SGCZ: variants seen among roughly 807,000 people sequenced by gnomAD.
The protein encoded by SGCZ is sarcoglycan zeta, also known as zeta-sarcoglycan.
A neutral mutation model predicts 41.3 loss-of-function variants in SGCZ; 40 were observed. The observed-to-expected ratio is 0.97, with a 90% CI of 0.75 to 1.26. SGCZ has a LOEUF of 1.26. SGCZ is among the 50% of genes most tolerant of loss of function. The pLI is 0.00. For missense variants in SGCZ, 552 were observed against 369.8 expected, an observed-to-expected ratio of 1.49 and a Z score of -4.04; for synonymous variants, 206 against 137.5, an observed-to-expected ratio of 1.50 and a Z score of -3.49.
chr8:15,178,092 G>T (rs1800053956), intron 1 of SGCZ, among the ~76,000 whole-genome samples: 2 of 152,176 alleles, frequency 1.3e-5, no homozygotes, highest in South Asian at 4.1e-4. Context: ...CATTTCCCCA[G>T]GACACTGCCT....
intron 2 of SGCZ, among the ~76,000 whole-genome samples, chr8:14,325,334 G>T (rs1585365014): frequency 6.6e-6 from 1 of 151,830 alleles, no homozygotes; most frequent in African/African-American, 2.4e-5. Context: ...TTCATCCAAG[G>T]TTTCACAACT....
At chr8:14,628,861 G>C (rs1244011089) in intron 1 of SGCZ, among the ~76,000 whole-genome samples, 1 of 152,022 alleles carries the variant, frequency 6.6e-6, no homozygotes, top group Admixed American at 6.6e-5. Context: ...GGACCTTTTG[G>C]TGTGGTTCTC....
intron 1 of SGCZ, among the ~76,000 whole-genome samples, chr8:15,226,157 T>C (rs565389878): frequency 1.3e-5 from 2 of 152,304 alleles, no homozygotes; most frequent in South Asian, 4.1e-4. Flanking sequence ...TCTTGGCCTG[T>C]CTTCCTTGAA....
chr8:15,044,771 G>T (rs762648198), intron 1 of SGCZ, among the ~76,000 whole-genome samples: 2 of 151,986 alleles, frequency 1.3e-5, no homozygotes, highest in Non-Finnish European at 2.9e-5. Flanking sequence ...GTGAGGGGTG[G>T]GTAGGGTTAG....
At position 15,152,667 on chromosome 8, in the gene SGCZ, T is replaced by G. The variant is rs145201686; in HGVS notation, c.39+84918A>C. ...CACACTCCTTTGAGATATCTTTGCT[T>G]TTTAAAAAAACATGGTTAACTTACC... On this transcript the variant is annotated intron_variant, in intron 1 of 7. Transcript: ENST00000382080. 9.2e-3 allele frequency among the ~76,000 whole-genome samples: 1,405 copies of G among 152,302 alleles called. 23 individuals carry two copies. Among genetic ancestry groups the G allele is most frequent in the African/African-American group, 0.032 (1,336 of 41,556 alleles).
intron 1 of SGCZ, among the ~76,000 whole-genome samples, chr8:14,562,876 G>A (rs768372467): frequency 6.6e-6 from 1 of 152,150 alleles, no homozygotes; most frequent in Non-Finnish European, 1.5e-5. Flanking sequence ...GGGATCGAGA[G>A]AGAAGTCACG....
chr8:14,844,549 A>G (rs1390628423), intron 1 of SGCZ, among the ~76,000 whole-genome samples: 1 of 152,192 alleles, frequency 6.6e-6, no homozygotes, highest in Non-Finnish European at 1.5e-5. Flanking sequence ...TTGCCATAGT[A>G]TGCGGGCTCC....
intron 1 of SGCZ, among the ~76,000 whole-genome samples, chr8:14,791,665 C>A (rs569522863): frequency 2.0e-5 from 3 of 152,278 alleles, no homozygotes; most frequent in African/African-American, 7.2e-5. Flanking sequence ...AAGCTACACA[C>A]AAGTGGCAGC....
intron 1 of SGCZ, among the ~76,000 whole-genome samples, chr8:15,231,334 T>C (rs1801931492): frequency 6.6e-6 from 1 of 152,186 alleles, no homozygotes; most frequent in African/African-American, 2.4e-5. Flanking sequence ...TAAAATCTAA[T>C]TGTGGCTTAT....
At chr8:15,028,905 A>G (rs1158396931) in intron 1 of SGCZ, among the ~76,000 whole-genome samples, 1 of 152,094 alleles carries the variant, frequency 6.6e-6, no homozygotes, top group African/African-American at 2.4e-5. Flanking sequence ...GATAATTTAA[A>G]GACCAGGTTG....
At chr8:14,240,281 TTGCACCAC>T (rs1202952961) in intron 3 of SGCZ, among the ~76,000 whole-genome samples, 9 of 142,840 alleles carry the variant, frequency 6.3e-5, no homozygotes, top group Non-Finnish European at 1.3e-4. Context: ...TGAGCCCAGA[TTGCACCAC>T]TGCACTCCAG....
At chr8:15,024,469 G>A (rs1000875600) in intron 1 of SGCZ, among the ~76,000 whole-genome samples, 3 of 152,050 alleles carry the variant, frequency 2.0e-5, no homozygotes, top group Non-Finnish European at 2.9e-5. Context: ...AAATCCACTG[G>A]TTCTGTAGAG....
At chr8:14,932,312 G>A (rs934666184) in intron 1 of SGCZ, among the ~76,000 whole-genome samples, 1 of 151,842 alleles carries the variant, frequency 6.6e-6, no homozygotes, top group Non-Finnish European at 1.5e-5. Context: ...TTCATAAGTA[G>A]CTTCTGGCAA....
In SGCZ at chr8:15,188,602, A is replaced by T. The variant is rs2117104322; in HGVS notation, c.39+48983T>A. On this transcript the variant is annotated intron_variant, in intron 1 of 7. Coordinates refer to ENST00000382080, the MANE Select transcript of SGCZ (RefSeq NM_139167.4). ...TAAATACTAAAAACATTTACCAAGTAAAATTCCTGTTGTGCTTGTTTTAAA... is the reference window on the plus strand; with the variant it reads ...TAAATACTAAAAACATTTACCAAGTTAAATTCCTGTTGTGCTTGTTTTAAA... Among the ~76,000 whole-genome samples, 2 of 152,288 alleles carry T rather than the reference A, an allele frequency of 1.3e-5. 1 individual carries two copies. Among genetic ancestry groups the T allele is most frequent in the Non-Finnish European group, 2.9e-5 (2 of 67,964 alleles).
chr8:14,516,007 T>G (rs1802609438), intron 2 of SGCZ, among the ~76,000 whole-genome samples: 1 of 152,048 alleles, frequency 6.6e-6, no homozygotes, highest in Non-Finnish European at 1.5e-5. Flanking sequence ...TTTTTTTTAA[T>G]TTAAGAATTA....
At chr8:15,039,872 C>T (rs1804019071) in intron 1 of SGCZ, among the ~76,000 whole-genome samples, 1 of 152,148 alleles carries the variant, frequency 6.6e-6, no homozygotes, top group African/African-American at 2.4e-5. Flanking sequence ...TATGGTTAAA[C>T]CGCAGCTTTT....
intron 1 of SGCZ, among the ~76,000 whole-genome samples, chr8:14,673,060 T>C (rs1401252545): frequency 3.3e-5 from 5 of 152,150 alleles, no homozygotes; most frequent in Non-Finnish European, 5.9e-5. Context: ...CAGCTTTTGG[T>C]CTAGATTACC....
chr8:15,076,240 T>G (rs73665380), intron 1 of SGCZ, among the ~76,000 whole-genome samples: 5,769 of 152,184 alleles, frequency 0.038, 340 homozygotes, highest in African/African-American at 0.13. Flanking sequence ...TCAGGACTTT[T>G]TGGAAAGAGA....
At chr8:14,256,314 G>T (rs954340126) in intron 3 of SGCZ, among the ~76,000 whole-genome samples, 3 of 151,980 alleles carry the variant, frequency 2.0e-5, no homozygotes, top group Non-Finnish European at 4.4e-5. Context: ...ATAGTCATTG[G>T]CTCTATATTC....
Sources: gnomAD v4.1 joint callset for allele counts (sites outside exome capture counted in the v4.1 genomes callset) on GRCh38, gnomAD v4.1.1 for gene constraint, MANE v1.5 for transcripts, NCBI Gene and HGNC (gene_info 2026-07-23, HGNC 2026-07-21) for gene names.